The following ARHGAP15 variants were observed in gnomAD, a reference collection of about 807,000 sequenced individuals.
The protein encoded by ARHGAP15 is rho GTPase-activating protein 15.
In ARHGAP15, 51 loss-of-function variants were observed where a neutral mutation model predicts 63.7. That is an observed-to-expected ratio of 0.80 (90% CI 0.64 to 1.01). The LOEUF is 1.01. Ranked by LOEUF, ARHGAP15 falls within the 50% of genes least tolerant of loss-of-function variation. The probability of loss-of-function intolerance (pLI) is 0.00; values close to 1 mark genes in which losing one functional copy is unlikely to be tolerated. For missense variants in ARHGAP15, 560 were observed against 564.6 expected (o/e 0.99, Z 0.08); for synonymous variants, 191 against 193.8 (o/e 0.99, Z 0.12).
intron 8 of ARHGAP15, among the ~76,000 whole-genome samples, chr2:143,440,714 T>C (rs1689836757): frequency 1.3e-5 from 2 of 152,178 alleles, no homozygotes; most frequent in Admixed American, 6.5e-5. Flanking sequence ...TATTTTAAGA[T>C]ATCAGTTGAG....
chr2:143,667,493 C>T (rs1480160812), intron 12 of ARHGAP15, among the ~76,000 whole-genome samples: 10 of 148,046 alleles, frequency 6.8e-5, no homozygotes, highest in African/African-American at 1.3e-4. Flanking sequence ...GTGGGTGCAG[C>T]GCACCAGCAT....
chr2:143,226,096 G>A (rs952654813), intron 4 of ARHGAP15, among the ~76,000 whole-genome samples: 2 of 152,204 alleles, frequency 1.3e-5, no homozygotes, highest in African/African-American at 4.8e-5. Flanking sequence ...CTAAGGTTTT[G>A]AGACCTGCAG....
chr2:143,655,294 C>T (rs1681380152), intron 12 of ARHGAP15, among the ~76,000 whole-genome samples: 2 of 151,968 alleles, frequency 1.3e-5, no homozygotes, highest in Non-Finnish European at 1.5e-5. Context: ...TCCCCAAAGT[C>T]CATTGCATCA....
intron 6 of ARHGAP15, among the ~76,000 whole-genome samples, chr2:143,375,347 A>G (rs1409389604): frequency 6.6e-6 from 1 of 152,146 alleles, no homozygotes; most frequent in Non-Finnish European, 1.5e-5. Context: ...GAGCACTATT[A>G]AATGTAAATT....
intron 11 of ARHGAP15, among the ~76,000 whole-genome samples, chr2:143,594,517 T>C (rs1161030022): frequency 6.6e-6 from 1 of 152,198 alleles, no homozygotes; most frequent in African/African-American, 2.4e-5. Context: ...ATGTGGCTTT[T>C]AGTAATAATA....
At chr2:143,662,548 G>A (rs1402448246) in intron 12 of ARHGAP15, among the ~76,000 whole-genome samples, 1 of 135,090 alleles carries the variant, frequency 7.4e-6, no homozygotes, top group Non-Finnish European at 1.7e-5. Context: ...ACCAGCAACG[G>A]AACAAAGCTG....
Position 143,305,925 on chromosome 2 carries a change from T to C in ARHGAP15, c.474+55325T>C, listed in dbSNP as rs545595074. Among the ~76,000 whole-genome samples, 5 of 152,266 alleles carry C rather than the reference T, an allele frequency of 3.3e-5. No individual in the cohort carries two copies. In the South Asian group the frequency reaches 6.2e-4, roughly 19 times the overall value. ...AATCAAATAAAACTAGTTAATACTA[T>C]ATTCTTTAAGATATTCGCCAAATAA... On this transcript the variant is annotated intron_variant, in intron 6 of 13. Transcript: ENST00000295095.
chr2:143,269,626 C>T (rs1681168894), intron 6 of ARHGAP15, among the ~76,000 whole-genome samples: 1 of 152,124 alleles, frequency 6.6e-6, no homozygotes, highest in Non-Finnish European at 1.5e-5. Flanking sequence ...TATGCATATA[C>T]ACCTTCCAAT....
chr2:143,569,876 A>G (rs747077915), intron 11 of ARHGAP15, among the ~76,000 whole-genome samples: 6 of 152,118 alleles, frequency 3.9e-5, no homozygotes, highest in African/African-American at 7.2e-5. Flanking sequence ...TATTTGTCTT[A>G]TTTTCCATAT....
chr2:143,622,838 A>C (rs1288143808), intron 11 of ARHGAP15, among the ~76,000 whole-genome samples: 1 of 151,560 alleles, frequency 6.6e-6, no homozygotes, highest in East Asian at 1.9e-4. Context: ...TAATGTTTTT[A>C]AAAGGACGTG....
At chr2:143,299,466 A>T (rs1210035420) in intron 6 of ARHGAP15, among the ~76,000 whole-genome samples, 1 of 152,024 alleles carries the variant, frequency 6.6e-6, no homozygotes, top group South Asian at 2.1e-4. Context: ...CATTATAAAC[A>T]TATATTACAT....
chr2:143,616,185 TATG>T (rs1407611632), intron 11 of ARHGAP15, among the ~76,000 whole-genome samples: 1 of 152,264 alleles, frequency 6.6e-6, no homozygotes, highest in East Asian at 1.9e-4. Flanking sequence ...TGCATGGAGT[TATG>T]ATGATGGGAA....
intron 11 of ARHGAP15, among the ~76,000 whole-genome samples, chr2:143,596,432 T>C (rs1265311129): frequency 1.3e-5 from 2 of 152,052 alleles, no homozygotes; most frequent in African/African-American, 4.8e-5. Context: ...CACCTTAAAT[T>C]TAAAATTGAA....
chr2:143,568,281 G>A (rs896331243), intron 11 of ARHGAP15, among the ~76,000 whole-genome samples: 1 of 152,104 alleles, frequency 6.6e-6, no homozygotes, highest in Non-Finnish European at 1.5e-5. Context: ...TCTGACAAAG[G>A]GCTAATATCC....
intron 6 of ARHGAP15, among the ~76,000 whole-genome samples, chr2:143,334,848 T>C (rs575579253): frequency 3.3e-5 from 5 of 152,278 alleles, no homozygotes; most frequent in East Asian, 3.9e-4. Flanking sequence ...CCCAGCACTA[T>C]GGGAGGCCAA....
intron 6 of ARHGAP15, among the ~76,000 whole-genome samples, chr2:143,352,059 C>T (rs1574319672): frequency 6.6e-6 from 1 of 152,116 alleles, no homozygotes; most frequent in African/African-American, 2.4e-5. Flanking sequence ...CCTGAATAAC[C>T]TTTATTGTCC....
chr2:143,765,310 T>G (rs1270301826), intron 13 of ARHGAP15, among the ~76,000 whole-genome samples: 1 of 152,084 alleles, frequency 6.6e-6, no homozygotes, highest in African/African-American at 2.4e-5. Flanking sequence ...ATGGGCATGT[T>G]AAAGAGAAGC....
In ARHGAP15 at chr2:143,330,109, A is replaced by T. The variant is rs1474117064; in HGVS notation, c.474+79509A>T. ...GGCTCTGTCTCAAAAAAAAAAAAAAAAAAAAAAAAAAAAAAAAAAAAACCA... is the reference window on the plus strand; with the variant it reads ...GGCTCTGTCTCAAAAAAAAAAAAAATAAAAAAAAAAAAAAAAAAAAAACCA... On this transcript the variant is annotated intron_variant, in intron 6 of 13. Coordinates refer to ENST00000295095, the MANE Select transcript of ARHGAP15 (RefSeq NM_018460.4). Among the ~76,000 whole-genome samples the T allele has an allele frequency of 7.2e-4, 60 of 83,832 alleles. 4 individuals carry two copies. The highest frequency in any genetic ancestry group is 2.4e-3 in the African/African-American group (54 of 22,226). 55.0% of individuals were successfully genotyped at this position (83,832 alleles called of 152,430 possible).
At position 143,471,234 on chromosome 2, in the gene ARHGAP15, G is replaced by T. The variant is rs907533975; in HGVS notation, c.704-16139G>T. 2.7e-5 allele frequency among the ~76,000 whole-genome samples: 4 copies of T among 146,270 alleles called. No individual in the cohort carries two copies. In the East Asian group the frequency reaches 8.1e-4, roughly 30 times the overall value. On this transcript the variant is annotated intron_variant, in intron 8 of 13. Coordinates refer to ENST00000295095, the MANE Select transcript of ARHGAP15 (RefSeq NM_018460.4). ...TATATATACACACACATGTGTATGT[G>T]TATATGTGTATATATACACACATAT...
Sources: gnomAD v4.1 joint callset for allele counts (sites outside exome capture counted in the v4.1 genomes callset) on GRCh38, gnomAD v4.1.1 for gene constraint, MANE v1.5 for transcripts, NCBI Gene and HGNC (gene_info 2026-07-23, HGNC 2026-07-21) for gene names.